Variants in ASTN2 observed in about 807,000 individuals in gnomAD.
The protein encoded by ASTN2 is astrotactin-2.
Under a neutral mutation model 139.8 loss-of-function variants are expected in ASTN2, and 54 were observed. The ratio of observed to expected loss-of-function variants is 0.39; its 90% CI spans 0.31 to 0.48. The LOEUF (loss-of-function observed/expected upper bound fraction) is 0.48. Ranked by LOEUF, ASTN2 falls within the 20% of genes least tolerant of loss-of-function variation. ASTN2 has a pLI of 0.95. For synonymous variants in ASTN2, 756 were observed against 719.5 expected, an observed-to-expected ratio of 1.05 and a Z score of -0.81; for missense variants, 1,565 against 1,725.1, an observed-to-expected ratio of 0.91 and a Z score of 1.64.
chr9:117,004,260 T>C (rs1344726200), intron 7 of ASTN2, among the ~76,000 whole-genome samples: 1 of 152,034 alleles, frequency 6.6e-6, no homozygotes. Context: ...GCTGGGACTA[T>C]GGGCATGTGT....
At chr9:117,364,736 G>A (rs1482762856) in intron 1 of ASTN2, among the ~76,000 whole-genome samples, 1 of 151,958 alleles carries the variant, frequency 6.6e-6, no homozygotes, top group Non-Finnish European at 1.5e-5. Flanking sequence ...CTTAAGTTAC[G>A]AAGTCTATCA....
At chr9:116,905,866 TGGG>T (rs375750971) in intron 10 of ASTN2, among the ~76,000 whole-genome samples, 1 of 32,628 alleles carries the variant, frequency 3.1e-5, no homozygotes, top group African/African-American at 7.0e-5. Flanking sequence ...TTTTTTTTTT[TGGG>T]GGGGGGTGCG....
rs529351469 is a variant in ASTN2 at position 116,475,912 on chromosome 9, G to A, written c.3497+11447C>T. 2.0e-4 allele frequency among the ~76,000 whole-genome samples: 30 copies of A among 152,226 alleles called. No homozygotes were observed. The East Asian group carries it at 2.3e-3, about 12-fold the overall frequency. The stretch of plus-strand genomic sequence containing the variant: ...TTCCAGTTACACTCTCTGCTGCAGC[G>A]TTGTCTCTCGTCCCCCAGCCTGCTC... On this transcript the variant is annotated intron_variant, in intron 20 of 22. Transcript: ENST00000313400.
At chr9:117,407,488 A>T (rs1831029849) in intron 1 of ASTN2, among the ~76,000 whole-genome samples, 1 of 152,232 alleles carries the variant, frequency 6.6e-6, no homozygotes, top group Non-Finnish European at 1.5e-5. Context: ...CTGGGGATGA[A>T]GAAGTAGTTT....
intron 17 of ASTN2, among the ~76,000 whole-genome samples, chr9:116,634,786 G>C (rs900074028): frequency 6.6e-6 from 1 of 152,046 alleles, no homozygotes; most frequent in African/African-American, 2.4e-5. Context: ...TTGCCTTTGG[G>C]GAAGTAGGAC....
intron 7 of ASTN2, among the ~76,000 whole-genome samples, chr9:116,999,548 C>CTTTTTTTTTTTTTT (rs71379248): frequency 3.2e-5 from 3 of 94,920 alleles, no homozygotes; most frequent in Non-Finnish European, 1.9e-5. Flanking sequence ...TTCTCTCTTT[C>CTTTTTTTTTTTTTT]TTTTTTTTTT....
chr9:116,781,581 C>T (rs1459187567), intron 13 of ASTN2, among the ~76,000 whole-genome samples: 1 of 152,062 alleles, frequency 6.6e-6, no homozygotes, highest in Non-Finnish European at 1.5e-5. Context: ...AAGGTTTTAG[C>T]TTCAGTGGGG....
chr9:116,568,108 G>A (rs1174123690), intron 19 of ASTN2, among the ~76,000 whole-genome samples: 1 of 152,128 alleles, frequency 6.6e-6, no homozygotes, highest in South Asian at 2.1e-4. Flanking sequence ...TTCTTCTCTA[G>A]ATGTCATTAA....
At position 116,487,320 on chromosome 9, in the gene ASTN2, T is replaced by C. The variant is rs747940015; in HGVS notation, c.3497+39A>G. The stretch of plus-strand genomic sequence containing the variant: ...ATTCCTCTTAGGCTTAAAATCATCC[T>C]GTCTGCCTCATGATCCCCACACACC... On this transcript the variant is annotated intron_variant, in intron 20 of 22. Coordinates refer to ENST00000313400, the MANE Select transcript of ASTN2 (RefSeq NM_001365068.1). 3.7e-6 allele frequency: 6 copies of C among 1,607,382 alleles called. No individual in the cohort carries two copies. In the Admixed American group the frequency reaches 6.7e-5, roughly 18 times the overall value.
At chr9:116,874,010 C>A (rs967013783) in intron 10 of ASTN2, among the ~76,000 whole-genome samples, 3 of 152,170 alleles carry the variant, frequency 2.0e-5, no homozygotes, top group African/African-American at 4.8e-5. Context: ...TATAGCAATG[C>A]AGAAACAAAC....
chr9:117,224,008 C>A (rs926976749), intron 2 of ASTN2, among the ~76,000 whole-genome samples: 5 of 152,138 alleles, frequency 3.3e-5, no homozygotes, highest in African/African-American at 1.2e-4. Context: ...CCCACTACCC[C>A]CCAGCTCAAT....
intron 3 of ASTN2, among the ~76,000 whole-genome samples, chr9:117,190,246 T>C (rs1373962681): frequency 6.6e-6 from 1 of 152,236 alleles, no homozygotes; most frequent in Non-Finnish European, 1.5e-5. Flanking sequence ...AATTTCTATG[T>C]GAAATTTTCC....
intron 7 of ASTN2, among the ~76,000 whole-genome samples, chr9:116,996,780 T>C (rs765325915): frequency 2.0e-4 from 31 of 152,180 alleles, no homozygotes; most frequent in Non-Finnish European, 3.7e-4. Context: ...TTTTTTTCCA[T>C]ACATTTGTTT....
chr9:116,825,337 C>T (rs972656928), intron 11 of ASTN2, among the ~76,000 whole-genome samples: 1 of 152,164 alleles, frequency 6.6e-6, no homozygotes, highest in African/African-American at 2.4e-5. Context: ...TCTAAAGTAT[C>T]TGGCTTTAGA....
intron 5 of ASTN2, among the ~76,000 whole-genome samples, chr9:117,091,835 C>T (rs989944142): frequency 6.6e-6 from 1 of 152,046 alleles, no homozygotes; most frequent in Non-Finnish European, 1.5e-5. Context: ...ACAACATGAT[C>T]CCTACTTACA....
chr9:117,130,137 T>C (rs1829793416), intron 4 of ASTN2, among the ~76,000 whole-genome samples: 1 of 152,096 alleles, frequency 6.6e-6, no homozygotes, highest in African/African-American at 2.4e-5. Context: ...TGAAACCCCA[T>C]CTCTACCAAA....
intron 2 of ASTN2, among the ~76,000 whole-genome samples, chr9:117,279,166 T>C (rs987187142): frequency 4.6e-5 from 7 of 152,198 alleles, no homozygotes; most frequent in Non-Finnish European, 1.0e-4. Flanking sequence ...CAATATCTCA[T>C]AGTCTCGTAA....
At position 116,827,137 on chromosome 9, in the gene ASTN2, C is replaced by T. The variant is rs201821796; in HGVS notation, c.2041-6354G>A. On this transcript the variant is annotated intron_variant, in intron 11 of 22. Coordinates refer to ENST00000313400, the MANE Select transcript of ASTN2 (RefSeq NM_001365068.1). ...CCAGCCTGAGCAACATGGAGAAAAC[C>T]CGTCTCTATTAAAAATACAAAATTA... Among the ~76,000 whole-genome samples, 8 of 151,652 alleles carry T rather than the reference C, an allele frequency of 5.3e-5. No individual in the cohort carries two copies. In the East Asian group the frequency reaches 1.6e-3, roughly 30 times the overall value.
intron 16 of ASTN2, chr9:116,697,323 C>A: frequency 4.5e-6 from 1 of 222,250 alleles, no homozygotes; most frequent in Non-Finnish European, 9.1e-6. Flanking sequence ...GTTACTTAGC[C>A]CTTATAATAA....
Sources: gnomAD v4.1 joint callset for allele counts (sites outside exome capture counted in the v4.1 genomes callset) on GRCh38, gnomAD v4.1.1 for gene constraint, MANE v1.5 for transcripts, NCBI Gene and HGNC (gene_info 2026-07-23, HGNC 2026-07-21) for gene names.